VWA8: variants seen among roughly 807,000 people sequenced by gnomAD.
VWA8 encodes the protein von Willebrand factor A domain containing 8.
A neutral mutation model predicts 241.5 loss-of-function variants in VWA8; 221 were observed. The ratio of observed to expected loss-of-function variants is 0.91; its 90% CI spans 0.82 to 1.02. VWA8 has a LOEUF of 1.02. VWA8 is among the 50% of genes least tolerant of loss of function. The pLI is 0.00. For missense variants in VWA8, 2,322 were observed against 2,328.7 expected (o/e 1.00, Z 0.06); for synonymous variants, 852 against 827.1 (o/e 1.03, Z -0.52).
intron 21 of VWA8, among the ~76,000 whole-genome samples, chr13:41,751,089 C>A (rs2045652881): frequency 6.6e-6 from 1 of 151,878 alleles, no homozygotes; most frequent in South Asian, 2.1e-4. Flanking sequence ...AGTTTGAAAA[C>A]AGCTTAGAAC....
intron 14 of VWA8, among the ~76,000 whole-genome samples, chr13:41,822,734 A>G (rs546081406): frequency 2.0e-5 from 3 of 152,350 alleles, no homozygotes; most frequent in African/African-American, 7.2e-5. Context: ...ATAAATGATT[A>G]CATCACTTAT....
intron 2 of VWA8, 26 bp from the exon 3 acceptor site, chr13:41,912,194 G>A: frequency 6.4e-7 from 1 of 1,558,196 alleles, no homozygotes; most frequent in Non-Finnish European, 8.7e-7. Flanking sequence ...AGAAAATGAA[G>A]TGCAAATTTA....
intron 1 of VWA8, among the ~76,000 whole-genome samples, chr13:41,959,232 ATTC>A (rs1429462263): frequency 1.3e-5 from 2 of 152,196 alleles, no homozygotes; most frequent in African/African-American, 2.4e-5. Context: ...TAATAGATAT[ATTC>A]TTCTTATCCT....
At chr13:41,938,391 G>A (rs772982332) in intron 2 of VWA8, among the ~76,000 whole-genome samples, 1 of 151,994 alleles carries the variant, frequency 6.6e-6, no homozygotes, top group South Asian at 2.1e-4. Context: ...AGTGGCTCAC[G>A]CCTGCAATCC....
At chr13:41,912,376 A>G (rs946618740) in intron 2 of VWA8, among the ~76,000 whole-genome samples, 2 of 152,088 alleles carry the variant, frequency 1.3e-5, no homozygotes, top group African/African-American at 4.8e-5. Context: ...GAATTTTCAC[A>G]TAGTTTTACA....
chr13:41,644,434 G>GA (rs1177744520), intron 37 of VWA8, among the ~76,000 whole-genome samples: 1 of 152,254 alleles, frequency 6.6e-6, no homozygotes, highest in Non-Finnish European at 1.5e-5. Flanking sequence ...AAGTCAATGA[G>GA]AAAAAACACA....
rs1876039010 is a variant in VWA8, at chr13:41,912,172, TAAAGA to T, written c.242-9_242-5del. The T allele has an allele frequency of 6.3e-7, 1 of 1,577,698 alleles. No homozygotes were observed. The highest frequency in any genetic ancestry group is 1.4e-5 in the African/African-American group (1 of 73,736). ...GATTGAGCCAGAGAGTCTGAAACTA[TAAAGA>T]AAAAAGAGAAAATGAAGTGCAAATT... On this transcript the variant is annotated splice_polypyrimidine_tract_variant and splice_region_variant and intron_variant, in intron 2 of 44. Transcript: ENST00000379310.
At chr13:41,621,582 G>C (rs1393162396) in intron 37 of VWA8, among the ~76,000 whole-genome samples, 1 of 152,108 alleles carries the variant, frequency 6.6e-6, no homozygotes, top group South Asian at 2.1e-4. Context: ...AACCAGAAGA[G>C]GTATGAAAGG....
At chr13:41,656,765 C>A (rs900867624) in intron 37 of VWA8, among the ~76,000 whole-genome samples, 1 of 152,100 alleles carries the variant, frequency 6.6e-6, no homozygotes, top group East Asian at 1.9e-4. Context: ...TCTGAAGTCC[C>A]GGACTCCAAG....
At chr13:41,886,351 A>G (rs1484073337) in intron 7 of VWA8, among the ~76,000 whole-genome samples, 1 of 152,158 alleles carries the variant, frequency 6.6e-6, no homozygotes, top group Non-Finnish European at 1.5e-5. Context: ...AAAACAAGGC[A>G]TAAACTCTCA....
chr13:41,621,035 T>A (rs1051830149), intron 37 of VWA8, among the ~76,000 whole-genome samples: 2 of 152,296 alleles, frequency 1.3e-5, no homozygotes, highest in South Asian at 4.1e-4. Context: ...AATTATATAA[T>A]AATGAGACAA....
At chr13:41,757,556 A>G (rs898292327) in intron 21 of VWA8, among the ~76,000 whole-genome samples, 1 of 151,684 alleles carries the variant, frequency 6.6e-6, no homozygotes, top group East Asian at 1.9e-4. Flanking sequence ...CAGTAAACAT[A>G]GTAACCAATT....
At chr13:41,809,607 A>G (rs1870374707) in intron 17 of VWA8, among the ~76,000 whole-genome samples, 1 of 152,174 alleles carries the variant, frequency 6.6e-6, no homozygotes, top group Admixed American at 6.6e-5. Context: ...TCAAATCAAA[A>G]TGGATTAAGA....
intron 5 of VWA8, among the ~76,000 whole-genome samples, chr13:41,889,187 A>G (rs1215903457): frequency 6.6e-6 from 1 of 152,200 alleles, no homozygotes; most frequent in African/African-American, 2.4e-5. Flanking sequence ...TTACCATAAA[A>G]GTTGTCTTAA....
chr13:41,710,635 T>C (rs896503273), intron 26 of VWA8, among the ~76,000 whole-genome samples: 2 of 152,204 alleles, frequency 1.3e-5, no homozygotes, highest in African/African-American at 2.4e-5. Context: ...AGTGGAATTG[T>C]ACACCTTAGA....
chr13:41,908,185 G>A (rs1422160873), intron 3 of VWA8, among the ~76,000 whole-genome samples: 1 of 152,160 alleles, frequency 6.6e-6, no homozygotes, highest in Non-Finnish European at 1.5e-5. Flanking sequence ...CCAATAATCA[G>A]CTGGGCGCTG....
intron 2 of VWA8, among the ~76,000 whole-genome samples, chr13:41,923,049 T>C (rs1876633766): frequency 6.6e-6 from 1 of 152,200 alleles, no homozygotes; most frequent in Non-Finnish European, 1.5e-5. Flanking sequence ...TGTCCATCAA[T>C]GATAGACTGG....
At chr13:41,866,083 C>A in intron 10 of VWA8, 47 bp from the exon 11 acceptor site, 2 of 1,600,664 alleles carry the variant, frequency 1.2e-6, no homozygotes, top group Non-Finnish European at 1.7e-6. Context: ...TGTGGTGGCT[C>A]ACGCCTATAA....
intron 2 of VWA8, among the ~76,000 whole-genome samples, chr13:41,920,420 A>G (rs1273360844): frequency 6.6e-6 from 1 of 152,200 alleles, no homozygotes; most frequent in Non-Finnish European, 1.5e-5. Context: ...AGCAGAAGGG[A>G]AGAAATAACT....
Sources: allele counts gnomAD v4.1 joint callset (sites outside exome capture counted in the v4.1 genomes callset), GRCh38; gene constraint gnomAD v4.1.1; transcripts MANE v1.5; gene names NCBI Gene and HGNC (gene_info 2026-07-23, HGNC 2026-07-21).